Variants in RAB38 observed in about 807,000 individuals in gnomAD.
The protein encoded by RAB38 is RAB38, member RAS oncogene family.
RAB38 carries 15 observed loss-of-function variants against 18.4 expected under a neutral mutation model. The observed-to-expected ratio is 0.82, with a 90% confidence interval of 0.55 to 1.26. RAB38 has a LOEUF of 1.26. Ranked by LOEUF, RAB38 falls within the 50% of genes most tolerant of loss-of-function variation. The pLI is 0.00. For synonymous variants in RAB38, 101 were observed against 104.4 expected (o/e 0.97, Z 0.20); for missense variants, 294 against 267.4 (o/e 1.10, Z -0.69).
chr11:87,967,266 C>T, the RAB38 span, among the ~76,000 whole-genome samples: 831 of 152,156 alleles, frequency 5.5e-3, 7 homozygotes, highest in Non-Finnish European at 7.5e-3. Flanking sequence ...TACTTTATCT[C>T]TTTAAATAAC....
chr11:88,043,322 T>C, the RAB38 span, among the ~76,000 whole-genome samples: 2 of 152,040 alleles, frequency 1.3e-5, no homozygotes, highest in Non-Finnish European at 2.9e-5. Flanking sequence ...AAGTCAGCGT[T>C]CCTGGAGAGA....
At chr11:88,093,687 CTGTTTAAAATCAAA>C in the RAB38 span, among the ~76,000 whole-genome samples, 1 of 151,844 alleles carries the variant, frequency 6.6e-6, no homozygotes, top group African/African-American at 2.4e-5. Flanking sequence ...GTTCACTCTC[CTGTTTAAAATCAAA>C]AGTGACTCCA....
chr11:87,876,462 G>A, the RAB38 span, among the ~76,000 whole-genome samples: 2,026 of 151,294 alleles, frequency 0.013, 42 homozygotes, highest in African/African-American at 0.047. Flanking sequence ...TTCTGTCTTG[G>A]CTTCTCCTCA....
At chr11:87,953,099 A>G in the RAB38 span, among the ~76,000 whole-genome samples, 1 of 152,188 alleles carries the variant, frequency 6.6e-6, no homozygotes, top group Non-Finnish European at 1.5e-5. Flanking sequence ...ATCATTTCAT[A>G]TATTCATCTA....
chr11:87,911,300 T>A, the RAB38 span, among the ~76,000 whole-genome samples: 239 of 152,194 alleles, frequency 1.6e-3, 1 homozygote, highest in African/African-American at 5.2e-3. Flanking sequence ...ATTCAACTTG[T>A]CAAGCTCTAT....
At chr11:87,978,140 C>T in the RAB38 span, among the ~76,000 whole-genome samples, 2 of 107,588 alleles carry the variant, frequency 1.9e-5, no homozygotes, top group Non-Finnish European at 3.5e-5. Flanking sequence ...TTTATATATA[C>T]ATTATATATA....
the RAB38 span, among the ~76,000 whole-genome samples, chr11:87,950,966 T>C: frequency 6.6e-6 from 1 of 152,208 alleles, no homozygotes; most frequent in Non-Finnish European, 1.5e-5. Context: ...TCCTGGATAA[T>C]ATCCTGCAGA....
the RAB38 span, among the ~76,000 whole-genome samples, chr11:87,841,552 C>T: frequency 6.6e-6 from 1 of 152,282 alleles, no homozygotes; most frequent in Admixed American, 6.5e-5. Flanking sequence ...GCTGGTATCC[C>T]TTCCAGCAGA....
chr11:87,945,252 T>C, the RAB38 span, among the ~76,000 whole-genome samples: 5 of 152,182 alleles, frequency 3.3e-5, no homozygotes, highest in African/African-American at 1.2e-4. Context: ...AGCATTACTT[T>C]TATTTTGGCT....
the RAB38 span, among the ~76,000 whole-genome samples, chr11:87,862,226 C>A: frequency 0.28 from 43,098 of 151,686 alleles, 7,743 homozygotes; most frequent in African/African-American, 0.49. Flanking sequence ...TCATTGCAGC[C>A]CTATTCACAA....
At chr11:87,813,806 G>A in the RAB38 span, among the ~76,000 whole-genome samples, 1 of 152,164 alleles carries the variant, frequency 6.6e-6, no homozygotes, top group Admixed American at 6.5e-5. Flanking sequence ...TATGACGGTG[G>A]TGGCTGGCAC....
the RAB38 span, among the ~76,000 whole-genome samples, chr11:88,085,817 T>C: frequency 1.3e-5 from 2 of 152,062 alleles, no homozygotes; most frequent in African/African-American, 4.8e-5. Context: ...GTATTTTCTA[T>C]ATAACTCTTT....
intron 1 of RAB38, among the ~76,000 whole-genome samples, chr11:88,174,536 T>C (rs987585730): frequency 7.5e-6 from 1 of 133,714 alleles, no homozygotes; most frequent in South Asian, 2.3e-4. Flanking sequence ...GCCAGAGAGA[T>C]AGAAATACAG....
At chr11:88,037,411 G>T in the RAB38 span, among the ~76,000 whole-genome samples, 1 of 151,908 alleles carries the variant, frequency 6.6e-6, no homozygotes, top group Non-Finnish European at 1.5e-5. Context: ...GTATTACTTT[G>T]ACTTTTTAAT....
chr11:87,897,615 C>T, the RAB38 span, among the ~76,000 whole-genome samples: 2 of 151,630 alleles, frequency 1.3e-5, no homozygotes, highest in South Asian at 2.1e-4. Context: ...AGCAGATACA[C>T]ATATTTGCCT....
At chr11:88,030,880 A>T in the RAB38 span, among the ~76,000 whole-genome samples, 1 of 151,980 alleles carries the variant, frequency 6.6e-6, no homozygotes, top group South Asian at 2.1e-4. Context: ...TCATTTTATG[A>T]GGCCAGCATC....
At chr11:88,018,247 T>A in the RAB38 span, among the ~76,000 whole-genome samples, 1 of 152,146 alleles carries the variant, frequency 6.6e-6, no homozygotes, top group East Asian at 1.9e-4. Context: ...ATACACTTAC[T>A]GCTAGACCTG....
At chr11:88,032,159 G>C in the RAB38 span, among the ~76,000 whole-genome samples, 2 of 151,896 alleles carry the variant, frequency 1.3e-5, no homozygotes, top group Non-Finnish European at 2.9e-5. Flanking sequence ...AATGGTGCTG[G>C]GAAAACTGGC....
intron 2 of RAB38, among the ~76,000 whole-genome samples, chr11:88,122,022 AATTT>A (rs1312257627): frequency 3.3e-5 from 5 of 152,138 alleles, no homozygotes; most frequent in African/African-American, 9.7e-5. Context: ...TTAATTGATC[AATTT>A]ATTTATTTAT....
Sources: allele counts gnomAD v4.1 joint callset (sites outside exome capture counted in the v4.1 genomes callset), GRCh38; gene constraint gnomAD v4.1.1; transcripts MANE v1.5; gene names NCBI Gene and HGNC (gene_info 2026-07-23, HGNC 2026-07-21).